The following KIF1B variants were observed in gnomAD, a reference collection of about 807,000 sequenced individuals.
KIF1B encodes kinesin-like protein KIF1B.
KIF1B carries 76 observed loss-of-function variants against 241.9 expected under a neutral mutation model. The observed-to-expected ratio is 0.31, with a 90% CI of 0.26 to 0.38. The LOEUF (loss-of-function observed/expected upper bound fraction) is 0.38, where lower values mean the gene tolerates loss of function less well. KIF1B is among the 10% of genes least tolerant of loss of function. KIF1B has a pLI of 1.00. For synonymous variants in KIF1B, 750 were observed against 796.7 expected, an observed-to-expected ratio of 0.94 and a Z score of 0.99; for missense variants, 1,622 against 2,271.4, an observed-to-expected ratio of 0.71 and a Z score of 5.81.
intron 22 of KIF1B, chr1:10,308,153 T>C: frequency 3.8e-6 from 4 of 1,061,674 alleles, no homozygotes; most frequent in Non-Finnish European, 4.6e-6. Flanking sequence ...CTTTGTAGAT[T>C]TGCCTTAATG....
Position 10,256,343 on chromosome 1 carries a change from A to T in KIF1B, c.183+20A>T. On this transcript the variant is annotated intron_variant, in intron 3 of 48. Coordinates refer to ENST00000676179, the MANE Select transcript of KIF1B (RefSeq NM_001365951.3). ...ACCTCAGTGAGTACCCTCATGCCAC[A>T]GCACTGCCAGCTCCTGCCTCCTTTC... 6.7e-7 allele frequency: 1 copy of T among 1,488,212 alleles called. No homozygotes were observed. The highest frequency in any genetic ancestry group is 1.4e-5 in the African/African-American group (1 of 72,450). 92.2% of individuals were successfully genotyped at this position (1,488,212 alleles called of 1,614,324 possible). A position where few individuals can be genotyped will look rare whatever the true frequency, so the allele number is the denominator to read the frequency against.
chr1:10,361,747 A>T lies in KIF1B; in HGVS notation c.4226A>T (p.Tyr1409Phe). 1 of 1,613,952 alleles carries T rather than the reference A, an allele frequency of 6.2e-7. No individual in the cohort carries two copies. Among genetic ancestry groups the T allele is most frequent in the Non-Finnish European group, 8.5e-7 (1 of 1,179,996 alleles). ...VITKDVCMVFYSRDAKISPPR... is the reference protein window; with the variant it reads ...VITKDVCMVFFSRDAKISPPR... ...ACCAAGGATGTGTGCATGGTCTTCTACTCCCGAGATGCCAAGATCTCACCA... is the reference window on the plus strand; with the variant it reads ...ACCAAGGATGTGTGCATGGTCTTCTTCTCCCGAGATGCCAAGATCTCACCA... Residue 1409 changes from tyrosine (Y) to phenylalanine (F), a missense_variant, in exon 40 of 49, where the codon TAC becomes TTC. By Grantham distance (22) the Tyr-to-Phe change is conservative (BLOSUM62 3). Coordinates refer to ENST00000676179, the MANE Select transcript of KIF1B (RefSeq NM_001365951.3).
At chr1:10,357,668 T>C (rs1360340409) in intron 38 of KIF1B, among the ~76,000 whole-genome samples, 1 of 152,046 alleles carries the variant, frequency 6.6e-6, no homozygotes, top group Non-Finnish European at 1.5e-5. Context: ...AGGAGTTAGA[T>C]TGCACCAGTG....
intron 22 of KIF1B, among the ~76,000 whole-genome samples, chr1:10,309,917 G>A (rs969020968): frequency 2.0e-5 from 3 of 150,952 alleles, no homozygotes; most frequent in African/African-American, 7.4e-5. Flanking sequence ...CCTTGTATAT[G>A]CCAAGTTTCT....
intron 22 of KIF1B, among the ~76,000 whole-genome samples, chr1:10,317,780 G>A (rs566611191): frequency 8.7e-5 from 13 of 149,766 alleles, no homozygotes; most frequent in Non-Finnish European, 1.6e-4. Context: ...GTGGTGAGCC[G>A]AGATCGCATC....
chr1:10,291,408 T>G (rs1649989088), intron 16 of KIF1B, among the ~76,000 whole-genome samples: 1 of 152,088 alleles, frequency 6.6e-6, no homozygotes, highest in Non-Finnish European at 1.5e-5. Context: ...TTGCTAGGGA[T>G]TCATAAAAAT....
chr1:10,362,611 C>CA (rs752045056), intron 40 of KIF1B, among the ~76,000 whole-genome samples: 1 of 151,680 alleles, frequency 6.6e-6, no homozygotes, highest in Non-Finnish European at 1.5e-5. Flanking sequence ...TCCTACTACT[C>CA]ACAATCCCCA....
In KIF1B at chr1:10,261,809, A is replaced by G. The variant is rs1219908901; in HGVS notation, c.364-96A>G. On this transcript the variant is annotated intron_variant, in intron 4 of 48. Transcript: ENST00000676179. ...GACATAATATATTTTGAGATGGAGC[A>G]AGAAAGGACGTCTGGCTAATTCATT... 7.5e-6 allele frequency: 6 copies of G among 796,708 alleles called. No individual in the cohort carries two copies. In the Admixed American group the frequency reaches 1.0e-4, roughly 14 times the overall value. 49.4% of individuals were successfully genotyped at this position (796,708 alleles called of 1,614,324 possible).
chr1:10,235,010 C>T (rs2102135114), intron 2 of KIF1B, among the ~76,000 whole-genome samples: 1 of 152,036 alleles, frequency 6.6e-6, no homozygotes, highest in South Asian at 2.1e-4. Context: ...CTGCCTCAGC[C>T]TCCTGAGTAG....
intron 5 of KIF1B, 68 bp from the exon 6 acceptor site, chr1:10,267,312 G>C: frequency 7.0e-7 from 1 of 1,419,068 alleles, no homozygotes; most frequent in Non-Finnish European, 9.9e-7. Context: ...ACAGGCGTGA[G>C]CCACCGCGCC....
At chr1:10,252,837 A>C (rs1647542120) in intron 2 of KIF1B, among the ~76,000 whole-genome samples, 1 of 150,454 alleles carries the variant, frequency 6.6e-6, no homozygotes, top group African/African-American at 2.4e-5. Flanking sequence ...CTCCTGTCTT[A>C]CTTAGCCTCC....
intron 22 of KIF1B, among the ~76,000 whole-genome samples, chr1:10,318,767 C>A (rs1377053500): frequency 6.6e-6 from 1 of 152,136 alleles, no homozygotes; most frequent in African/African-American, 2.4e-5. Flanking sequence ...AAATGCTATG[C>A]TTATGCTGTA....
intron 28 of KIF1B, among the ~76,000 whole-genome samples, 185 bp downstream of exon 28, chr1:10,334,823 A>G (rs1208567576): frequency 6.6e-6 from 1 of 152,252 alleles, no homozygotes; most frequent in Non-Finnish European, 1.5e-5. Flanking sequence ...CCCAAGTATC[A>G]CAAATAGATC....
chr1:10,306,992 G>A (rs1313017768), intron 22 of KIF1B: 1 of 1,041,756 alleles, frequency 9.6e-7, no homozygotes, highest in African/African-American at 1.7e-5. Flanking sequence ...GCTGTGGATT[G>A]TGGTAAGGAC....
At chr1:10,291,984 A>G in intron 16 of KIF1B, 63 bp from the exon 17 acceptor site, 5 of 1,389,902 alleles carry the variant, frequency 3.6e-6, no homozygotes, top group Admixed American at 1.7e-5. Flanking sequence ...TTTCCAATTC[A>G]TATTAGACTG....
At chr1:10,289,816 G>A (rs1418908766) in intron 15 of KIF1B, among the ~76,000 whole-genome samples, 1 of 152,050 alleles carries the variant, frequency 6.6e-6, no homozygotes, top group Non-Finnish European at 1.5e-5. Flanking sequence ...CCTGGGAGGT[G>A]GAAGTTGCAG....
intron 1 of KIF1B, among the ~76,000 whole-genome samples, chr1:10,224,156 C>G (rs1244080617): frequency 6.6e-6 from 1 of 151,822 alleles, no homozygotes; most frequent in African/African-American, 2.4e-5. Context: ...GCTCTGTTGC[C>G]CAGGCTGGAG....
intron 2 of KIF1B, among the ~76,000 whole-genome samples, chr1:10,246,635 T>A (rs555755964): frequency 3.0e-4 from 46 of 152,168 alleles, no homozygotes; most frequent in African/African-American, 9.6e-4. Context: ...TCCCAGCTAC[T>A]CAGGAAGCCG....
intron 2 of KIF1B, among the ~76,000 whole-genome samples, chr1:10,248,718 A>G (rs1310259219): frequency 6.6e-6 from 1 of 152,090 alleles, no homozygotes; most frequent in Non-Finnish European, 1.5e-5. Context: ...AAGTGAGAGA[A>G]GTGGTGGTTG....
Sources: gnomAD v4.1 joint callset for allele counts (sites outside exome capture counted in the v4.1 genomes callset) on GRCh38, gnomAD v4.1.1 for gene constraint, MANE v1.5 for transcripts, NCBI Gene and HGNC (gene_info 2026-07-23, HGNC 2026-07-21) for gene names.